CD38: variants seen among roughly 807,000 people sequenced by gnomAD.
CD38 encodes the protein ADP-ribosyl cyclase/cyclic ADP-ribose hydrolase 1.
A neutral mutation model predicts 36.3 loss-of-function variants in CD38; 31 were observed. That is an observed-to-expected ratio of 0.85 (90% CI 0.64 to 1.15). CD38 has a LOEUF of 1.15. Ranked by LOEUF, CD38 falls within the 50% of genes most tolerant of loss-of-function variation. CD38 has a pLI of 0.00. For missense variants in CD38, 380 were observed against 371.9 expected, an observed-to-expected ratio of 1.02 and a Z score of -0.18; for synonymous variants, 131 against 135.2, an observed-to-expected ratio of 0.97 and a Z score of 0.22.
intron 1 of CD38, among the ~76,000 whole-genome samples, chr4:15,790,195 CTCCACGGTCTCCT>C (rs1188143338): frequency 7.1e-5 from 10 of 140,314 alleles, no homozygotes; most frequent in South Asian, 2.5e-4. Flanking sequence ...CTCCCTCTCT[CTCCACGGTCTCCT>C]TCCACGGTCT....
At chr4:15,841,711 C>T (rs1426687348) in intron 7 of CD38, among the ~76,000 whole-genome samples, 3 of 149,100 alleles carry the variant, frequency 2.0e-5, no homozygotes, top group Admixed American at 6.6e-5. Flanking sequence ...GCACACCGTG[C>T]GCGAGCCGAA....
chr4:15,779,555 C>A (rs78585552), intron 1 of CD38, among the ~76,000 whole-genome samples: 1 of 152,104 alleles, frequency 6.6e-6, no homozygotes, highest in Non-Finnish European at 1.5e-5. Context: ...TAGCAAAATC[C>A]CGCATTTAAG....
At chr4:15,840,964 G>C (rs185668617) in intron 7 of CD38, among the ~76,000 whole-genome samples, 1 of 152,032 alleles carries the variant, frequency 6.6e-6, no homozygotes, top group Admixed American at 6.5e-5. Context: ...AGCTTCCTTA[G>C]TTGGATCTGA....
At chr4:15,801,881 G>C (rs1723231353) in intron 1 of CD38, among the ~76,000 whole-genome samples, 1 of 152,118 alleles carries the variant, frequency 6.6e-6, no homozygotes, top group Admixed American at 6.6e-5. Flanking sequence ...TCTAAAAACT[G>C]GAACAAGATA....
At position 15,791,685 on chromosome 4, in the gene CD38, G is replaced by T. The variant is rs1722996887; in HGVS notation, c.233+13038G>T. 4.5e-5 allele frequency among the ~76,000 whole-genome samples: 4 copies of T among 89,278 alleles called. 1 individual carries two copies. Among genetic ancestry groups the T allele is most frequent in the Non-Finnish European group, 8.3e-5 (4 of 48,304 alleles). 58.6% of individuals were successfully genotyped at this position (89,278 alleles called of 152,430 possible). ...GTCCGGGAGGGAGGTGGGGGGATCA[G>T]CCCCCCGCCTGGCCAGCCGCCCCGT... On this transcript the variant is annotated intron_variant, in intron 1 of 7. Coordinates refer to ENST00000226279, the MANE Select transcript of CD38 (RefSeq NM_001775.4).
rs149299047 is a variant in CD38 at position 15,840,068 on chromosome 4, G to C, written c.702G>C (p.Lys234Asn). Residue 234 changes from lysine (K) to asparagine (N), a missense_variant, in exon 6 of 8, where the codon AAG becomes AAC. Physicochemically the swap from Lys to Asn is moderately conservative, Grantham distance 94. Transcript: ENST00000226279. ...SVEVHNLQPE[K>N]VQTLEAWVIH... Reference sequence around the variant, plus strand: ...AAGTCCATAATTTGCAACCAGAGAAGGTTCAGACACTAGAGGCCTGGGTGA... The same window carrying C: ...AAGTCCATAATTTGCAACCAGAGAACGTTCAGACACTAGAGGCCTGGGTGA... 2 of 1,613,668 alleles carry C rather than the reference G, an allele frequency of 1.2e-6. No homozygotes were observed. The highest frequency in any genetic ancestry group is 1.7e-6 in the Non-Finnish European group (2 of 1,179,758).
intron 1 of CD38, among the ~76,000 whole-genome samples, chr4:15,807,492 G>A (rs1479521917): frequency 6.6e-6 from 1 of 152,178 alleles, no homozygotes; most frequent in Non-Finnish European, 1.5e-5. Flanking sequence ...AGTTGATTAT[G>A]CTCAGCTGAA....
chr4:15,815,312 A>G (rs1390467403), intron 1 of CD38, among the ~76,000 whole-genome samples: 2 of 152,158 alleles, frequency 1.3e-5, no homozygotes, highest in African/African-American at 4.8e-5. Flanking sequence ...AAGAAAGTCA[A>G]TGGTATCTTG....
chr4:15,807,956 G>A (rs192770790), intron 1 of CD38, among the ~76,000 whole-genome samples: 3 of 152,244 alleles, frequency 2.0e-5, no homozygotes, highest in South Asian at 2.1e-4. Flanking sequence ...GGAACCCCAC[G>A]AAACCTCACT....
intron 2 of CD38, 164 bp downstream of exon 2, chr4:15,816,804 A>G: frequency 1.4e-6 from 1 of 716,050 alleles, no homozygotes; most frequent in Non-Finnish European, 2.5e-6. Context: ...AGGGGCCATG[A>G]TATAATTAAG....
At chr4:15,802,320 T>C (rs1237112491) in intron 1 of CD38, among the ~76,000 whole-genome samples, 2 of 152,032 alleles carry the variant, frequency 1.3e-5, no homozygotes, top group Non-Finnish European at 2.9e-5. Flanking sequence ...TATCCCATGT[T>C]CATGGATTGG....
chr4:15,790,761 A>G (rs1484940154), intron 1 of CD38, among the ~76,000 whole-genome samples: 5 of 132,890 alleles, frequency 3.8e-5, no homozygotes, highest in African/African-American at 8.7e-5. Context: ...CATCCCATCT[A>G]GGAAGTGAGG....
intron 1 of CD38, among the ~76,000 whole-genome samples, chr4:15,786,007 G>A (rs139625672): frequency 1.3e-5 from 2 of 150,992 alleles, no homozygotes; most frequent in Non-Finnish European, 3.0e-5. Context: ...GGAGTTGTTC[G>A]TTCCTCCCAT....
At chr4:15,835,256 T>G (rs1724041318) in intron 4 of CD38, among the ~76,000 whole-genome samples, 1 of 152,064 alleles carries the variant, frequency 6.6e-6, no homozygotes, top group African/African-American at 2.4e-5. Flanking sequence ...AATTTTAGCT[T>G]CCATATATGA....
At chr4:15,801,456 C>A (rs1490147250) in intron 1 of CD38, among the ~76,000 whole-genome samples, 1 of 152,062 alleles carries the variant, frequency 6.6e-6, no homozygotes, top group Non-Finnish European at 1.5e-5. Context: ...CCAGAATTAA[C>A]CTGATACAAA....
In CD38 at chr4:15,780,540, A is replaced by G. The variant is rs796506130; in HGVS notation, c.233+1893A>G. The stretch of plus-strand genomic sequence containing the variant: ...CTCTCACACACACACACACACACAC[A>G]CACACACACACACACACACACACAC... On this transcript the variant is annotated intron_variant, in intron 1 of 7. Coordinates refer to ENST00000226279, the MANE Select transcript of CD38 (RefSeq NM_001775.4). Among the ~76,000 whole-genome samples, 375 of 151,344 alleles carry G rather than the reference A, an allele frequency of 2.5e-3. 4 individuals are homozygous for G. Among genetic ancestry groups the G allele is most frequent in the African/African-American group, 7.1e-3 (293 of 41,214 alleles).
chr4:15,810,051 C>G (rs1010696026), intron 1 of CD38, among the ~76,000 whole-genome samples: 1 of 152,162 alleles, frequency 6.6e-6, no homozygotes, highest in Non-Finnish European at 1.5e-5. Context: ...ACTGAAAGCT[C>G]GGATTCATAA....
intron 3 of CD38, among the ~76,000 whole-genome samples, chr4:15,833,237 C>T (rs1408181193): frequency 2.0e-5 from 3 of 152,134 alleles, no homozygotes; most frequent in African/African-American, 7.2e-5. Flanking sequence ...GTACCTGAAG[C>T]CAGCAAGTCA....
intron 7 of CD38, among the ~76,000 whole-genome samples, chr4:15,847,875 T>C (rs1724297541): frequency 6.6e-6 from 1 of 152,188 alleles, no homozygotes; most frequent in Non-Finnish European, 1.5e-5. Context: ...ATTCTCCATC[T>C]GGAAAGAAAA....
Sources: allele counts gnomAD v4.1 joint callset (sites outside exome capture counted in the v4.1 genomes callset), GRCh38; gene constraint gnomAD v4.1.1; transcripts MANE v1.5; gene names NCBI Gene and HGNC (gene_info 2026-07-23, HGNC 2026-07-21).